Variants in MRPS35 observed in about 807,000 individuals in gnomAD.
MRPS35 encodes small ribosomal subunit protein mS35.
Under a neutral mutation model 32.7 loss-of-function variants are expected in MRPS35, and 29 were observed. The observed-to-expected ratio is 0.89, with a 90% CI of 0.66 to 1.21. The LOEUF (loss-of-function observed/expected upper bound fraction) is 1.21, where lower values mean the gene tolerates loss of function less well. Ranked by LOEUF, MRPS35 falls within the 50% of genes most tolerant of loss-of-function variation. MRPS35 has a pLI of 0.00. For missense variants in MRPS35, 373 were observed against 383.8 expected (o/e 0.97, Z 0.23); for synonymous variants, 148 against 139.3 (o/e 1.06, Z -0.44).
At chr12:27,719,118 C>T (rs921796370) in intron 3 of MRPS35, among the ~76,000 whole-genome samples, 26 of 151,978 alleles carry the variant, frequency 1.7e-4, no homozygotes, top group Non-Finnish European at 3.5e-4. Flanking sequence ...CAAAAATCCA[C>T]GTGCTTAAGT....
At chr12:27,734,440 C>T (rs1334801944) in intron 5 of MRPS35, among the ~76,000 whole-genome samples, 5 of 152,112 alleles carry the variant, frequency 3.3e-5, no homozygotes, top group Non-Finnish European at 5.9e-5. Context: ...TGGGTATCTC[C>T]GTGTTGGTCA....
chr12:27,713,835 C>T (rs2061837915), intron 1 of MRPS35, among the ~76,000 whole-genome samples: 1 of 152,100 alleles, frequency 6.6e-6, no homozygotes, highest in African/African-American at 2.4e-5. Flanking sequence ...CCCCTGTAAT[C>T]CCAGCACTTT....
At chr12:27,742,814 A>G (rs2061969044) in intron 7 of MRPS35, among the ~76,000 whole-genome samples, 2 of 151,994 alleles carry the variant, frequency 1.3e-5, no homozygotes, top group South Asian at 4.2e-4. Context: ...ATTTTATTTT[A>G]TTTTGGGGGC....
At chr12:27,727,608 A>AG (rs1387114188) in intron 5 of MRPS35, among the ~76,000 whole-genome samples, 1 of 152,140 alleles carries the variant, frequency 6.6e-6, no homozygotes, top group East Asian at 1.9e-4. Context: ...AATATTGTTA[A>AG]GTGGCGTATG....
At chr12:27,733,021 T>G (rs1363998141) in intron 5 of MRPS35, among the ~76,000 whole-genome samples, 2 of 37,130 alleles carry the variant, frequency 5.4e-5, no homozygotes, top group Non-Finnish European at 1.2e-4. Flanking sequence ...TATATATATA[T>G]ATATATATAT....
chr12:27,745,227 G>A (rs2061978022), intron 7 of MRPS35, among the ~76,000 whole-genome samples: 2 of 152,134 alleles, frequency 1.3e-5, no homozygotes, highest in Non-Finnish European at 1.5e-5. Flanking sequence ...TGAAGGTGAA[G>A]AATCAAACAG....
chr12:27,726,326 T>C (rs2061900558), intron 5 of MRPS35, among the ~76,000 whole-genome samples: 2 of 152,148 alleles, frequency 1.3e-5, no homozygotes, highest in South Asian at 4.1e-4. Context: ...CATGTATTAT[T>C]TTATCATTTC....
intron 7 of MRPS35, chr12:27,752,999 T>A (rs1334585365): frequency 6.6e-6 from 1 of 152,062 alleles, no homozygotes; most frequent in Non-Finnish European, 1.5e-5. Context: ...ATAATAATAA[T>A]AAAATAAAAA....
chr12:27,751,102 CA>C (rs71438703), intron 7 of MRPS35, among the ~76,000 whole-genome samples: 308 of 38,104 alleles, frequency 8.1e-3, no homozygotes, highest in African/African-American at 0.027. Flanking sequence ...GACTCCATCT[CA>C]AAAAAAAAAA....
At chr12:27,729,637 T>C (rs1436841108) in intron 5 of MRPS35, among the ~76,000 whole-genome samples, 1 of 152,166 alleles carries the variant, frequency 6.6e-6, no homozygotes, top group Admixed American at 6.5e-5. Context: ...CTTTGAATTA[T>C]TGAAGTCATA....
At chr12:27,740,501 C>T (rs181980240) in intron 7 of MRPS35, among the ~76,000 whole-genome samples, 42 of 152,252 alleles carry the variant, frequency 2.8e-4, no homozygotes, top group African/African-American at 9.6e-4. Flanking sequence ...AACTCCTGGG[C>T]TCAGGCAATC....
At chr12:27,719,196 AATG>A (rs1457142101) in intron 3 of MRPS35, among the ~76,000 whole-genome samples, 1 of 152,226 alleles carries the variant, frequency 6.6e-6, no homozygotes, top group Non-Finnish European at 1.5e-5. Flanking sequence ...ATACTGTAAA[AATG>A]ATGTTTAGTT....
rs1159012646 is a variant in MRPS35 at position 27,756,203 on chromosome 12, A to G, written c.*753A>G. 6.6e-6 allele frequency: 1 copy of G among 152,242 alleles called. No homozygotes were observed. Among genetic ancestry groups the G allele is most frequent in the African/African-American group, 2.4e-5 (1 of 41,464 alleles). The allele number at this position is 152,242 out of a possible 1,614,324, so 9.4% of individuals were successfully genotyped here. A position where few individuals can be genotyped will look rare whatever the true frequency, so the allele number is the denominator to read the frequency against. ...AACCCTGCATTCAATGTAGCTGTCAATTCAGTATTTTTAAGTACACCTGTC... is the reference window on the plus strand; with the variant it reads ...AACCCTGCATTCAATGTAGCTGTCAGTTCAGTATTTTTAAGTACACCTGTC... On this transcript the variant is annotated 3_prime_UTR_variant, in exon 8 of 8. Transcript: ENST00000081029.
At chr12:27,754,377 T>C (rs2062018007) in intron 7 of MRPS35, among the ~76,000 whole-genome samples, 1 of 152,164 alleles carries the variant, frequency 6.6e-6, no homozygotes. Flanking sequence ...ATCCCACAAG[T>C]ATATCACAGA....
chr12:27,750,182 T>C (rs1280046002), intron 7 of MRPS35, among the ~76,000 whole-genome samples: 1 of 152,242 alleles, frequency 6.6e-6, no homozygotes, highest in Admixed American at 6.5e-5. Flanking sequence ...GATTAGGTGA[T>C]GCTGCTATAG....
intron 5 of MRPS35, among the ~76,000 whole-genome samples, chr12:27,724,606 G>A (rs1448332715): frequency 1.3e-5 from 2 of 152,084 alleles, no homozygotes; most frequent in African/African-American, 4.8e-5. Context: ...AGCTGGGCGT[G>A]GTGGTGGGCA....
chr12:27,754,697 G>T (rs2062019141), intron 7 of MRPS35, among the ~76,000 whole-genome samples: 1 of 148,618 alleles, frequency 6.7e-6, no homozygotes, highest in Admixed American at 6.8e-5. Flanking sequence ...AGACTGCAAG[G>T]TCGAGGCTGC....
chr12:27,747,265 ATC>A lies in MRPS35; in HGVS notation c.703-7912_703-7911del, dbSNP rs1459872931. The stretch of plus-strand genomic sequence containing the variant: ...TCTTTTAATACACCTCAGTTGTAAC[ATC>A]TCTGTTTCCTGCCCATCTGTTTTCC... On this transcript the variant is annotated intron_variant, in intron 7 of 7. Coordinates refer to ENST00000081029, the MANE Select transcript of MRPS35 (RefSeq NM_021821.4). Among the ~76,000 whole-genome samples, 12 of 152,262 alleles carry A rather than the reference ATC, an allele frequency of 7.9e-5. No homozygotes were observed. In the East Asian group the frequency reaches 1.7e-3, roughly 22 times the overall value.
intron 5 of MRPS35, among the ~76,000 whole-genome samples, chr12:27,729,452 A>T (rs1426092348): frequency 6.6e-6 from 1 of 152,050 alleles, no homozygotes; most frequent in Non-Finnish European, 1.5e-5. Context: ...CTTTTGCATT[A>T]GATAAAATTT....
Sources: allele counts gnomAD v4.1 joint callset (sites outside exome capture counted in the v4.1 genomes callset), GRCh38; gene constraint gnomAD v4.1.1; transcripts MANE v1.5; gene names NCBI Gene and HGNC (gene_info 2026-07-23, HGNC 2026-07-21).